TMEM214: variants seen among roughly 807,000 people sequenced by gnomAD.
TMEM214 encodes transmembrane protein 214.
Under a neutral mutation model 89.8 loss-of-function variants are expected in TMEM214, and 71 were observed. The observed-to-expected ratio is 0.79, with a 90% CI of 0.65 to 0.96. The LOEUF (loss-of-function observed/expected upper bound fraction) is 0.96, where lower values mean the gene tolerates loss of function less well. TMEM214 is among the 40% of genes least tolerant of loss of function. The pLI, the probability that TMEM214 is intolerant of heterozygous loss-of-function variation, is 0.00. For missense variants in TMEM214, 754 were observed against 843.4 expected, an observed-to-expected ratio of 0.89 and a Z score of 1.31; for synonymous variants, 332 against 349.5, an observed-to-expected ratio of 0.95 and a Z score of 0.56.
chr2:27,040,397 A>C lies in TMEM214; in HGVS notation c.1844A>C (p.Glu615Ala). 6.2e-7 allele frequency: 1 copy of C among 1,614,180 alleles called. No individual in the cohort carries two copies. The highest frequency in any genetic ancestry group is 8.5e-7 in the Non-Finnish European group (1 of 1,180,026). The change falls in exon 16 of 17, where the codon GAG becomes GCG. Residue 615 changes from glutamate (E) to alanine (A), a missense_variant. By Grantham distance (107) the Glu-to-Ala change is moderately radical. Coordinates refer to ENST00000238788, the MANE Select transcript of TMEM214 (RefSeq NM_017727.5). ...SVNQLLRYLR[E>A]LPLLFHQNVL... ...AATCAGCTACTCCGCTATCTGAGAGAGCTGCCCCTGCTTTTCCACCAGAAT... is the reference window on the plus strand; with the variant it reads ...AATCAGCTACTCCGCTATCTGAGAGCGCTGCCCCTGCTTTTCCACCAGAAT...
In TMEM214 at chr2:27,041,615, A is replaced by G. The variant is rs1667839571; in HGVS notation, c.*778A>G. On this transcript the variant is annotated 3_prime_UTR_variant, in exon 17 of 17. Transcript: ENST00000238788. ...GTGCCTTGGGCCCAGGGAACCCTCCATCAACCTGAGACAGGACTCAGTATA... is the reference window on the plus strand; with the variant it reads ...GTGCCTTGGGCCCAGGGAACCCTCCGTCAACCTGAGACAGGACTCAGTATA... 1 of 153,946 alleles carries G rather than the reference A, an allele frequency of 6.5e-6. No homozygotes were observed. Among genetic ancestry groups the G allele is most frequent in the Admixed American group, 6.5e-5 (1 of 15,308 alleles). 9.5% of individuals were successfully genotyped at this position (153,946 alleles called of 1,614,324 possible). A position where few individuals can be genotyped will look rare whatever the true frequency, so the allele number is the denominator to read the frequency against.
intron 5 of TMEM214, 92 bp downstream of exon 5, chr2:27,036,144 G>A (rs1175295444): frequency 1.7e-6 from 2 of 1,181,006 alleles, no homozygotes; most frequent in Non-Finnish European, 1.2e-6. Context: ...TGGGATAGTG[G>A]AAGACCTGTA....
rs1473707933 is a variant in TMEM214, at chr2:27,039,765, G to T, written c.1550G>T (p.Arg517Leu). Reference sequence around the variant, plus strand: ...GCCTCCCTTACTGGCCGGTTGCTTCGATCATCTGGCTTCTTACCTGCTAGC... The same window carrying T: ...GCCTCCCTTACTGGCCGGTTGCTTCTATCATCTGGCTTCTTACCTGCTAGC... ...FQASLTGRLL[R>L]SSGFLPASQQ... Residue 517 changes from arginine to leucine, a missense_variant, in exon 14 of 17, where the codon CGA becomes CTA. Arg to Leu is a moderately radical substitution (Grantham distance 102). Transcript: ENST00000238788. 1.2e-6 allele frequency: 2 copies of T among 1,614,170 alleles called. No homozygotes were observed. The highest frequency in any genetic ancestry group is 1.7e-6 in the Non-Finnish European group (2 of 1,180,044).
Position 27,038,043 on chromosome 2 carries a change from G to T in TMEM214, c.1153-103G>T, listed in dbSNP as rs532327737. ...TCTCCACCCCTTAGGGTGGATGTGCGGCCTGGATGGCCTTGCTTACGGGAA... is the reference window on the plus strand; with the variant it reads ...TCTCCACCCCTTAGGGTGGATGTGCTGCCTGGATGGCCTTGCTTACGGGAA... On this transcript the variant is annotated intron_variant, in intron 9 of 16. Transcript: ENST00000238788. This position sits in a 1 kb window ranked among gnomAD's most constrained non-coding sequence, Gnocchi z 4.4. 6.2e-7 allele frequency: 1 copy of T among 1,610,686 alleles called. No individual in the cohort carries two copies. The highest frequency in any genetic ancestry group is 8.5e-7 in the Non-Finnish European group (1 of 1,179,282).
rs1254626454 is a variant in TMEM214, at chr2:27,040,946, C to T, written c.*109C>T. ...GTCTTTTTAACTTGGTGCCTGAGTTCTCTCCTAGGCAAGTGGCCAGTTGCC... is the reference window on the plus strand; with the variant it reads ...GTCTTTTTAACTTGGTGCCTGAGTTTTCTCCTAGGCAAGTGGCCAGTTGCC... On this transcript the variant is annotated 3_prime_UTR_variant, in exon 17 of 17. Coordinates refer to ENST00000238788, the MANE Select transcript of TMEM214 (RefSeq NM_017727.5). 1.4e-6 allele frequency: 2 copies of T among 1,419,008 alleles called. No individual in the cohort carries two copies. The highest frequency in any genetic ancestry group is 1.3e-5 in the South Asian group (1 of 75,952). The allele number at this position is 1,419,008 out of a possible 1,614,324, so 87.9% of individuals were successfully genotyped here.
In TMEM214 at chr2:27,037,622, C is replaced by A; in HGVS notation, c.1072C>A (p.Pro358Thr). ...GAAAGTGCTGGCATTTGGAGCAAAG[C>A]CGGATTCCACCCTGCATACCTACTT... ...RLKVLAFGAK[P>T]DSTLHTYFPS... Residue 358 changes from proline to threonine, a missense_variant, in exon 9 of 17, where the codon CCG (proline) becomes ACG (threonine). Transcript: ENST00000238788. 1 of 1,614,190 alleles carries A rather than the reference C, an allele frequency of 6.2e-7. No homozygotes were observed. The highest frequency in any genetic ancestry group is 8.5e-7 in the Non-Finnish European group (1 of 1,180,024).
Position 27,040,796 on chromosome 2 carries a change from G to C in TMEM214, c.2029G>C (p.Ala677Pro), listed in dbSNP as rs200232142. 7.4e-6 allele frequency: 12 copies of C among 1,614,188 alleles called. No homozygotes were observed. In the Admixed American group the frequency reaches 1.5e-4, roughly 20 times the overall value. The change falls in exon 17 of 17, where the codon GCT becomes CCT. Residue 677 changes from alanine to proline, a missense_variant. Transcript: ENST00000238788. ...GCTTTGCCTACAGGACATTACAGTG[G>C]CTTTCTTGGACTGGGCACTTGCCCT... Reference protein sequence around the residue: ...TWLCLQDITVAFLDWALALIS... With the variant: ...TWLCLQDITVPFLDWALALIS...
At chr2:27,035,066 C>G in intron 2 of TMEM214, 69 bp from the exon 3 acceptor site, 1 of 1,588,946 alleles carries the variant, frequency 6.3e-7, no homozygotes, top group Non-Finnish European at 8.6e-7. Flanking sequence ...TTTCCCACCC[C>G]TACCCCATTT....
At chr2:27,039,932 C>T in intron 14 of TMEM214, 95 bp downstream of exon 14, 5 of 1,596,276 alleles carry the variant, frequency 3.1e-6, no homozygotes, top group Non-Finnish European at 4.3e-6. Context: ...GCTTGTGATT[C>T]TCCTTTCCCA....
At position 27,036,597 on chromosome 2, in the gene TMEM214, CAG is replaced by C; in HGVS notation, c.826+6_826+7del. ...ACCTCACCGAGGGACTGAAAGGTAA[CAG>C]GGAAATAGGGAAGAAAGAGGGAGGG... is the stretch of plus-strand genomic sequence containing the variant. On this transcript the variant is annotated splice_donor_region_variant and intron_variant, in intron 6 of 16. Coordinates refer to ENST00000238788, the MANE Select transcript of TMEM214 (RefSeq NM_017727.5). 6.2e-7 allele frequency: 1 copy of C among 1,613,944 alleles called. No homozygotes were observed.
intron 13 of TMEM214, 150 bp downstream of exon 13, chr2:27,039,314 CCA>C: frequency 1.5e-6 from 1 of 663,570 alleles, no homozygotes. Context: ...ATTTTTTTGT[CCA>C]CAGATATGAC....
At position 27,038,563 on chromosome 2, in the gene TMEM214, G is replaced by A. The variant is rs780990261; in HGVS notation, c.1293+31G>A. 1.2e-6 allele frequency: 2 copies of A among 1,613,626 alleles called. No individual in the cohort carries two copies. The highest frequency in any genetic ancestry group is 1.7e-6 in the Non-Finnish European group (2 of 1,179,790). ...GAGCTGGGAGGACGTGGCAGGTTGA[G>A]CCCTGTCTGGATTCTAGGTTCTGAG... On this transcript the variant is annotated intron_variant, in intron 11 of 16. Transcript: ENST00000238788. This position sits in a 1 kb window ranked among gnomAD's most constrained non-coding sequence, Gnocchi z 4.4.
rs199941828 is a variant in TMEM214 at position 27,038,099 on chromosome 2, G to C, written c.1153-47G>C. ...TCACCTCTTAGCACTCCCCGCCTCT[G>C]CCAGCCCCATGCCCCCAGCAGCCTC... On this transcript the variant is annotated intron_variant, in intron 9 of 16. Transcript: ENST00000238788. The surrounding 1 kb of genome is among the most constrained non-coding windows in gnomAD (Gnocchi z 4.4). The C allele has an allele frequency of 1.3e-4, 206 of 1,613,608 alleles. No homozygotes were observed. In the African/African-American group the frequency reaches 2.4e-3, roughly 19 times the overall value.
intron 1 of TMEM214, among the ~76,000 whole-genome samples, chr2:27,033,761 T>C (rs1470998317): frequency 1.3e-5 from 2 of 152,124 alleles, no homozygotes; most frequent in Admixed American, 1.3e-4. Flanking sequence ...CCCAGACTAG[T>C]AGCCACTCAC....
At position 27,039,175 on chromosome 2, in the gene TMEM214, A is replaced by T; in HGVS notation, c.1525+11A>T. ...ACAGCTCCTTCCAGGGTAAGCAGCA[A>T]TGGGCAAGCGAGGAGGATGGTGTGG... On this transcript the variant is annotated intron_variant, in intron 13 of 16. Coordinates refer to ENST00000238788, the MANE Select transcript of TMEM214 (RefSeq NM_017727.5). The T allele has an allele frequency of 1.9e-6, 3 of 1,611,478 alleles. No individual in the cohort carries two copies. Among genetic ancestry groups the T allele is most frequent in the Non-Finnish European group, 2.5e-6 (3 of 1,178,408 alleles).
Position 27,038,536 on chromosome 2 carries a change from A to G in TMEM214, c.1293+4A>G, listed in dbSNP as rs1450301856. Reference sequence around the variant, plus strand: ...CTGGGAGCAGATTCCCAAGAAGGTGAGGAGCTGGGAGGACGTGGCAGGTTG... The same window carrying G: ...CTGGGAGCAGATTCCCAAGAAGGTGGGGAGCTGGGAGGACGTGGCAGGTTG... On this transcript the variant is annotated splice_donor_region_variant and intron_variant, in intron 11 of 16. Coordinates refer to ENST00000238788, the MANE Select transcript of TMEM214 (RefSeq NM_017727.5). This position sits in a 1 kb window ranked among gnomAD's most constrained non-coding sequence, Gnocchi z 4.4. 2.5e-6 allele frequency: 4 copies of G among 1,613,854 alleles called. No individual in the cohort carries two copies. The highest frequency in any genetic ancestry group is 3.4e-6 in the Non-Finnish European group (4 of 1,179,990).
chr2:27,033,187 G>A, intron 1 of TMEM214, 21 bp downstream of exon 1: 1 of 1,207,922 alleles, frequency 8.3e-7, no homozygotes. Context: ...GCCCTGCCCC[G>A]CCGCCTACCC....
At position 27,039,857 on chromosome 2, in the gene TMEM214, G is replaced by T; in HGVS notation, c.1622+20G>T. On this transcript the variant is annotated intron_variant, in intron 14 of 16. Coordinates refer to ENST00000238788, the MANE Select transcript of TMEM214 (RefSeq NM_017727.5). ...CTACAGGTGAGCTCCTCCCAGGGAG[G>T]GGAGAGGAGAGGCAGAAGAGAGAAG... 1 of 1,612,324 alleles carries T rather than the reference G, an allele frequency of 6.2e-7. No homozygotes were observed. The highest frequency in any genetic ancestry group is 8.5e-7 in the Non-Finnish European group (1 of 1,179,210).
Position 27,035,583 on chromosome 2 carries a change from A to T in TMEM214, c.503-11A>T. 4.3e-6 allele frequency: 7 copies of T among 1,614,102 alleles called. No individual in the cohort carries two copies. The highest frequency in any genetic ancestry group is 5.9e-6 in the Non-Finnish European group (7 of 1,180,018). On this transcript the variant is annotated splice_polypyrimidine_tract_variant and intron_variant, in intron 3 of 16. Coordinates refer to ENST00000238788, the MANE Select transcript of TMEM214 (RefSeq NM_017727.5). ...GGTCCTAGCACTCACATTGAGGCCT[A>T]TGGGCCTTAGATTATCCCTACAGCC...
Sources: gnomAD v4.1 joint callset for allele counts (sites outside exome capture counted in the v4.1 genomes callset) on GRCh38, gnomAD v4.1.1 for gene constraint, Gnocchi (gnomAD v3.1) non-coding constraint, MANE v1.5 for transcripts, NCBI Gene and HGNC (gene_info 2026-07-23, HGNC 2026-07-21) for gene names.